Variants in RARB observed in about 807,000 individuals in gnomAD.
RARB encodes HBV-activated protein.
A neutral mutation model predicts 51.9 loss-of-function variants in RARB; 17 were observed. The observed-to-expected ratio is 0.33, with a 90% CI of 0.22 to 0.49. The LOEUF (loss-of-function observed/expected upper bound fraction) is 0.49, where lower values mean the gene tolerates loss of function less well. Among genes scored for constraint, RARB ranks in the 20% least tolerant of loss-of-function variants. The pLI, the probability that RARB is intolerant of heterozygous loss-of-function variation, is 0.99. For synonymous variants in RARB, 215 were observed against 195.4 expected, an observed-to-expected ratio of 1.10 and a Z score of -0.84; for missense variants, 369 against 550.8, an observed-to-expected ratio of 0.67 and a Z score of 3.30.
chr3:25,298,619 G>A (rs1477662454), intron 5 of RARB, among the ~76,000 whole-genome samples: 4 of 152,156 alleles, frequency 2.6e-5, no homozygotes, highest in African/African-American at 7.2e-5. Context: ...TATGACACTA[G>A]CTTTGGGGAT....
intron 2 of RARB, among the ~76,000 whole-genome samples, chr3:25,048,407 C>T (rs1319499020): frequency 6.6e-6 from 1 of 152,180 alleles, no homozygotes; most frequent in Non-Finnish European, 1.5e-5. Flanking sequence ...ATTAAGTACA[C>T]ACAACTTTCC....
chr3:25,235,084 G>A (rs1702272387), intron 5 of RARB, among the ~76,000 whole-genome samples: 1 of 152,146 alleles, frequency 6.6e-6, no homozygotes, highest in African/African-American at 2.4e-5. Context: ...TACTGTGCAT[G>A]ATCACTACAT....
intron 5 of RARB, among the ~76,000 whole-genome samples, chr3:25,370,355 A>G (rs1706261002): frequency 6.6e-6 from 1 of 152,206 alleles, no homozygotes; most frequent in South Asian, 2.1e-4. Context: ...AAGCTATGCA[A>G]ATTCCATAAG....
intron 3 of RARB, among the ~76,000 whole-genome samples, chr3:25,534,043 A>G (rs1699034340): frequency 6.6e-6 from 1 of 152,248 alleles, no homozygotes; most frequent in Admixed American, 6.5e-5. Context: ...ACTATGTGCC[A>G]GTTGAAGAAA....
At chr3:24,884,395 T>G (rs1354441911) in intron 2 of RARB, among the ~76,000 whole-genome samples, 4 of 152,168 alleles carry the variant, frequency 2.6e-5, no homozygotes, top group East Asian at 1.9e-4. Context: ...AGTACATGAG[T>G]TCTTTTTTCA....
intron 3 of RARB, among the ~76,000 whole-genome samples, chr3:25,071,121 GCTT>G (rs1192273782): frequency 1.3e-5 from 2 of 152,150 alleles, no homozygotes; most frequent in Non-Finnish European, 2.9e-5. Context: ...TTAAAAGTAA[GCTT>G]CTTGCAAGTT....
intron 2 of RARB, among the ~76,000 whole-genome samples, chr3:24,891,515 A>G (rs1456576224): frequency 2.0e-5 from 3 of 152,220 alleles, no homozygotes; most frequent in African/African-American, 7.2e-5. Context: ...TTCTCAGCAT[A>G]TAGTAAACAT....
At chr3:25,405,436 A>G (rs1210149717) in intron 5 of RARB, among the ~76,000 whole-genome samples, 1 of 152,240 alleles carries the variant, frequency 6.6e-6, no homozygotes, top group African/African-American at 2.4e-5. Flanking sequence ...AAGCATTGCT[A>G]AACATCAGGC....
rs115405854 is a variant in RARB at position 25,313,205 on chromosome 3, C to T, written c.178+138630C>T. On this transcript the variant is annotated intron_variant, in intron 5 of 11. Coordinates refer to the RARB transcript ENST00000383772. Reference sequence around the variant, plus strand: ...CCCCTCTTATGGGAATAGGAAGACCCGCTTGTTTTTTCTCTAGGGTGAGTG... The same window carrying T: ...CCCCTCTTATGGGAATAGGAAGACCTGCTTGTTTTTTCTCTAGGGTGAGTG... Among the ~76,000 whole-genome samples the T allele has an allele frequency of 3.5e-3, 535 of 152,162 alleles. 3 individuals are homozygous for T. Among genetic ancestry groups the T allele is most frequent in the Admixed American group, 0.014 (210 of 15,282 alleles).
Position 24,860,942 on chromosome 3 carries a change from T to C in RARB, c.-380+2190T>C, listed in dbSNP as rs150936114. On this transcript the variant is annotated intron_variant, in intron 2 of 11. Transcript: ENST00000383772. ...TTGCTAGGAGCAATAGACTATACCA[T>C]GTAGCCTAGGTTCGTATATTTTGTG... Among the ~76,000 whole-genome samples the C allele has an allele frequency of 5.7e-3, 875 of 152,284 alleles. 14 individuals are homozygous for C. The highest frequency in any genetic ancestry group is 0.019 in the African/African-American group (809 of 41,556).
chr3:24,944,606 G>C (rs1695736055), intron 2 of RARB, among the ~76,000 whole-genome samples: 1 of 152,192 alleles, frequency 6.6e-6, no homozygotes, highest in East Asian at 1.9e-4. Flanking sequence ...GTCATATAGA[G>C]TGTGGATTCT....
chr3:25,086,125 T>C (rs1192493640), intron 3 of RARB, among the ~76,000 whole-genome samples: 2 of 152,162 alleles, frequency 1.3e-5, no homozygotes, highest in Non-Finnish European at 2.9e-5. Flanking sequence ...CAGTCAACTA[T>C]TAATTTCCTG....
At chr3:25,003,540 G>A (rs1697210655) in intron 2 of RARB, among the ~76,000 whole-genome samples, 1 of 151,912 alleles carries the variant, frequency 6.6e-6, no homozygotes, top group Non-Finnish European at 1.5e-5. Context: ...ACATGTAAAT[G>A]TTTTAATAGG....
intron 3 of RARB, among the ~76,000 whole-genome samples, chr3:25,122,482 G>A (rs1045812556): frequency 7.9e-5 from 12 of 152,224 alleles, no homozygotes; most frequent in Admixed American, 5.9e-4. Context: ...AGTTTGGGAA[G>A]CTCTGCTCTG....
intron 2 of RARB, among the ~76,000 whole-genome samples, chr3:24,982,747 C>A (rs1399208384): frequency 1.3e-5 from 2 of 152,184 alleles, no homozygotes; most frequent in African/African-American, 4.8e-5. Context: ...ATAATAGTTA[C>A]ACCATCCCTG....
intron 2 of RARB, among the ~76,000 whole-genome samples, chr3:25,493,289 A>G (rs969220618): frequency 2.6e-5 from 4 of 152,220 alleles, no homozygotes; most frequent in Non-Finnish European, 4.4e-5. Context: ...AAATTTTGCT[A>G]TGAATAACTT....
intron 5 of RARB, among the ~76,000 whole-genome samples, chr3:25,243,115 T>C (rs1702471875): frequency 6.6e-6 from 1 of 152,124 alleles, no homozygotes; most frequent in Non-Finnish European, 1.5e-5. Context: ...TGTTTGTCTA[T>C]AATTGGTGTA....
At chr3:25,325,422 A>T (rs999794913) in intron 5 of RARB, among the ~76,000 whole-genome samples, 3 of 151,830 alleles carry the variant, frequency 2.0e-5, no homozygotes, top group African/African-American at 7.3e-5. Flanking sequence ...TCATCCTGTG[A>T]CTTAGAACGG....
intron 1 of RARB, chr3:25,458,487 G>A (rs531848097): frequency 2.6e-5 from 4 of 152,230 alleles, no homozygotes; most frequent in East Asian, 1.9e-4. Flanking sequence ...TTGTTAATTC[G>A]CTTTCAGTGA....
Sources: allele counts gnomAD v4.1 joint callset (sites outside exome capture counted in the v4.1 genomes callset), GRCh38; gene constraint gnomAD v4.1.1; transcripts MANE v1.5; gene names NCBI Gene and HGNC (gene_info 2026-07-23, HGNC 2026-07-21).